The following ARFGEF2 variants were observed in gnomAD, a reference collection of about 807,000 sequenced individuals.
ARFGEF2 encodes the protein brefeldin A-inhibited guanine nucleotide-exchange protein 2.
A neutral mutation model predicts 219.9 loss-of-function variants in ARFGEF2; 74 were observed. That is an observed-to-expected ratio of 0.34 (90% CI 0.28 to 0.41). The LOEUF (loss-of-function observed/expected upper bound fraction) is 0.41. Ranked by LOEUF, ARFGEF2 falls within the 10% of genes least tolerant of loss-of-function variation. ARFGEF2 has a pLI of 1.00. For synonymous variants in ARFGEF2, 733 were observed against 799.2 expected (o/e 0.92, Z 1.40); for missense variants, 1,743 against 2,218.3 (o/e 0.79, Z 4.30).
At chr20:48,976,652 C>G (rs904933542) in intron 14 of ARFGEF2, among the ~76,000 whole-genome samples, 9 of 151,936 alleles carry the variant, frequency 5.9e-5, no homozygotes, top group Admixed American at 3.9e-4. Flanking sequence ...ACTAAAAATA[C>G]AAAAAATTAG....
At chr20:48,983,717 G>A (rs1216060961) in intron 14 of ARFGEF2, among the ~76,000 whole-genome samples, 1 of 152,056 alleles carries the variant, frequency 6.6e-6, no homozygotes, top group East Asian at 1.9e-4. Flanking sequence ...CCTCAGACTT[G>A]GTAAAACATC....
intron 16 of ARFGEF2, 45 bp from the exon 17 acceptor site, chr20:48,988,259 A>G (rs1304426626): frequency 4.2e-6 from 6 of 1,429,172 alleles, no homozygotes; most frequent in African/African-American, 1.4e-5. Flanking sequence ...GTACCTTCCA[A>G]ACCGCATCAC....
At position 49,035,836 on chromosome 20, in the gene ARFGEF2, G is replaced by T; in HGVS notation, c.*2637G>T. The T allele has an allele frequency of 4.6e-6, 1 of 215,374 alleles. No homozygotes were observed. The highest frequency in any genetic ancestry group is 9.1e-6 in the Non-Finnish European group (1 of 110,106). The allele number at this position is 215,374 out of a possible 1,614,324, so 13.3% of individuals were successfully genotyped here. On this transcript the variant is annotated 3_prime_UTR_variant, in exon 39 of 39. Transcript: ENST00000371917. ...CTTTGGCATCTTAACAACAAACAGT[G>T]GATGGGTAATTTTTATTTCTGATAC...
At chr20:48,975,731 G>A (rs1046658886) in intron 13 of ARFGEF2, among the ~76,000 whole-genome samples, 5 of 145,790 alleles carry the variant, frequency 3.4e-5, no homozygotes, top group African/African-American at 1.0e-4. Flanking sequence ...AACCTGTGAG[G>A]TGGAGGTTGC....
At chr20:48,960,915 A>G (rs1209734800) in intron 6 of ARFGEF2, among the ~76,000 whole-genome samples, 1 of 151,300 alleles carries the variant, frequency 6.6e-6, no homozygotes, top group Admixed American at 6.6e-5. Context: ...CCCCTTCTCT[A>G]CTAAAAATAC....
At chr20:49,019,180 G>T (rs1304656327) in intron 34 of ARFGEF2, among the ~76,000 whole-genome samples, 182 bp downstream of exon 34, 1 of 152,124 alleles carries the variant, frequency 6.6e-6, no homozygotes, top group Non-Finnish European at 1.5e-5. Context: ...TTATCCATGT[G>T]CAGGCAAGTA....
At chr20:48,999,795 A>T (rs1219860011) in intron 25 of ARFGEF2, among the ~76,000 whole-genome samples, 2 of 151,254 alleles carry the variant, frequency 1.3e-5, no homozygotes, top group Non-Finnish European at 3.0e-5. Flanking sequence ...TGTATCTGTG[A>T]TGTCATTTGC....
chr20:49,015,560 T>G (rs1289567497), intron 30 of ARFGEF2, among the ~76,000 whole-genome samples: 3 of 152,206 alleles, frequency 2.0e-5, no homozygotes, highest in Non-Finnish European at 2.9e-5. Flanking sequence ...AGTGGTGGTG[T>G]TTTCTTCTTT....
intron 5 of ARFGEF2, 117 bp from the exon 6 acceptor site, chr20:48,953,439 G>A (rs1009321877): frequency 1.1e-6 from 1 of 944,480 alleles, no homozygotes; most frequent in East Asian, 2.4e-5. Context: ...GCCTTCCAAA[G>A]TGCTGAAATT....
In ARFGEF2 at chr20:49,018,911, A is replaced by T; in HGVS notation, c.4537A>T (p.Ser1513Cys). Residue 1513 changes from serine (S) to cysteine (C), a missense_variant, in exon 34 of 39, where the codon AGC becomes TGC. Around this residue, in one of 5 missense-constraint regions of ARFGEF2, gnomAD observed 578 missense variants for 664.0 expected, o/e 0.87. Transcript: ENST00000371917. The part of the protein sequence containing the change: ...LDVDLDRQSL[S>C]SIDKNPSERG... The stretch of plus-strand genomic sequence containing the variant: ...TGTGGATCTGGACCGCCAGTCTTTA[A>T]GCAGCATAGATAAAAATCCCTCTGA... 1 of 1,614,068 alleles carries T rather than the reference A, an allele frequency of 6.2e-7. No individual in the cohort carries two copies.
rs975042360 is a variant in ARFGEF2 at position 48,988,545 on chromosome 20, G to T, written c.2416G>T (p.Asp806Tyr). The T allele has an allele frequency of 6.2e-7, 1 of 1,613,550 alleles. No homozygotes were observed. The highest frequency in any genetic ancestry group is 8.5e-7 in the Non-Finnish European group (1 of 1,179,772). Residue 806 changes from aspartate to tyrosine, a missense_variant, in exon 18 of 39, where the codon GAT becomes TAT. By Grantham distance (160) the Asp-to-Tyr change is radical. This residue lies in a region of ARFGEF2 where 666 missense variants were observed against 955.4 expected (regional missense o/e 0.70). Coordinates refer to ENST00000371917, the MANE Select transcript of ARFGEF2 (RefSeq NM_006420.3). The stretch of plus-strand genomic sequence containing the variant: ...TATTAAAATGAATCGGGGTATCAAT[G>T]ATAGTAAAGATCTGCCAGAAGAGTA... ...QYIKMNRGIN[D>Y]SKDLPEEYLS... is the part of the protein sequence containing the mutation.
At chr20:48,944,695 A>T (rs553892107) in intron 3 of ARFGEF2, among the ~76,000 whole-genome samples, 24 of 152,186 alleles carry the variant, frequency 1.6e-4, no homozygotes, top group African/African-American at 5.5e-4. Flanking sequence ...AGAACTCCTA[A>T]GCTCAAGTGA....
chr20:49,023,190 A>G lies in ARFGEF2; in HGVS notation c.4755+9A>G. On this transcript the variant is annotated intron_variant, in intron 35 of 38. Coordinates refer to ENST00000371917, the MANE Select transcript of ARFGEF2 (RefSeq NM_006420.3). ...ACATGGTTGCCGCCCAGGTAAGAAC[A>G]GGAGGCCTCAGGAAGAGCATCCCTG... 6.2e-7 allele frequency: 1 copy of G among 1,614,050 alleles called. No individual in the cohort carries two copies. Among genetic ancestry groups the G allele is most frequent in the Non-Finnish European group, 8.5e-7 (1 of 1,179,938 alleles).
intron 1 of ARFGEF2, among the ~76,000 whole-genome samples, chr20:48,931,674 G>A (rs2090914376): frequency 6.6e-6 from 1 of 151,852 alleles, no homozygotes; most frequent in South Asian, 2.1e-4. Flanking sequence ...GATATCTGGG[G>A]GGAGGGAGGG....
chr20:49,000,874 A>G (rs2091420944), intron 25 of ARFGEF2, among the ~76,000 whole-genome samples: 1 of 152,210 alleles, frequency 6.6e-6, no homozygotes, highest in African/African-American at 2.4e-5. Flanking sequence ...CCCACCTGTG[A>G]TTCTGTTGTG....
At chr20:49,001,969 G>A (rs532953396) in intron 25 of ARFGEF2, among the ~76,000 whole-genome samples, 2 of 152,294 alleles carry the variant, frequency 1.3e-5, no homozygotes, top group Non-Finnish European at 2.9e-5. Flanking sequence ...ATAACAGGCC[G>A]GGCACAGTAG....
At chr20:48,944,291 T>C (rs6012569) in intron 3 of ARFGEF2, among the ~76,000 whole-genome samples, 48,711 of 152,002 alleles carry the variant, frequency 0.32, 8,033 homozygotes, top group East Asian at 0.48. Flanking sequence ...GGTTTTCTTT[T>C]GAAGGGAGTG....
At chr20:49,011,118 G>A (rs2091495053) in intron 27 of ARFGEF2, among the ~76,000 whole-genome samples, 1 of 152,190 alleles carries the variant, frequency 6.6e-6, no homozygotes, top group Non-Finnish European at 1.5e-5. Context: ...TGTGTTAGAT[G>A]AGCTTCCTTC....
At chr20:49,016,832 G>T (rs2091533979) in intron 31 of ARFGEF2, among the ~76,000 whole-genome samples, 1 of 152,068 alleles carries the variant, frequency 6.6e-6, no homozygotes, top group Non-Finnish European at 1.5e-5. Flanking sequence ...TTTTGGCTTA[G>T]GGCAAGAAAT....
Sources: allele counts gnomAD v4.1 joint callset (sites outside exome capture counted in the v4.1 genomes callset), GRCh38; gene constraint gnomAD v4.1.1; regional missense constraint gnomAD v4.1.1; transcripts MANE v1.5; gene names NCBI Gene and HGNC (gene_info 2026-07-23, HGNC 2026-07-21).